TAB1: variants seen among roughly 807,000 people sequenced by gnomAD.
The protein encoded by TAB1 is TGF-beta-activated kinase 1 and MAP3K7-binding protein 1.
In TAB1, 30 loss-of-function variants were observed where a neutral mutation model predicts 54.5. The ratio of observed to expected loss-of-function variants is 0.55; its 90% CI spans 0.41 to 0.75. The LOEUF (loss-of-function observed/expected upper bound fraction) is 0.75, where lower values mean the gene tolerates loss of function less well. TAB1 is among the 30% of genes least tolerant of loss of function. The pLI is 0.00. For synonymous variants in TAB1, 289 were observed against 286.9 expected, an observed-to-expected ratio of 1.01 and a Z score of -0.07; for missense variants, 609 against 683.2, an observed-to-expected ratio of 0.89 and a Z score of 1.21.
chr22:39,415,576 C>A lies in TAB1; in HGVS notation c.247C>A (p.Arg83=). The A allele has an allele frequency of 6.2e-7, 1 of 1,614,098 alleles. No individual in the cohort carries two copies. The highest frequency in any genetic ancestry group is 8.5e-7 in the Non-Finnish European group (1 of 1,179,986). The change falls in exon 3 of 11, where the codon CGG becomes AGG. Residue 83 remains arginine (R), a synonymous_variant. Transcript: ENST00000216160. This position sits in a 1 kb window ranked among gnomAD's most constrained non-coding sequence, Gnocchi z 4.9. The part of the protein sequence containing the change: ...GNRVTNFVAQ[R]LSAELLLGQL... The stretch of plus-strand genomic sequence containing the variant: ...CCGAGTGACCAACTTCGTGGCCCAG[C>A]GGCTGTCCGCAGAGCTCCTGCTGGG...
At chr22:39,433,077 C>T (rs561403351), downstream of TAB1, 1 of 985,396 alleles carries the variant, frequency 1.0e-6, no homozygotes, top group Non-Finnish European at 1.2e-6. Flanking sequence ...CTCCCATAGC[C>T]TCCGTGGGGA....
rs1465090868 is a variant in TAB1, at chr22:39,431,819, C to T, written c.*1597C>T. 1 of 985,328 alleles carries T rather than the reference C, an allele frequency of 1.0e-6. No homozygotes were observed. Among genetic ancestry groups the T allele is most frequent in the Non-Finnish European group, 1.2e-6 (1 of 829,940 alleles). 61.0% of individuals were successfully genotyped at this position (985,328 alleles called of 1,614,324 possible). A position where few individuals can be genotyped will look rare whatever the true frequency, so the allele number is the denominator to read the frequency against. On this transcript the variant is annotated 3_prime_UTR_variant, in exon 11 of 11. Transcript: ENST00000216160. ...TGTGGTGCTGTTTGGTCTCTAGAAA[C>T]AGGGTCACTTTTTTAATGTAGTAAA...
Position 39,430,248 on chromosome 22 carries a change from A to G in TAB1, c.*26A>G, listed in dbSNP as rs34745489. 77 of 1,607,818 alleles carry G rather than the reference A, an allele frequency of 4.8e-5. No homozygotes were observed. The highest frequency in any genetic ancestry group is 5.8e-5 in the Non-Finnish European group (69 of 1,179,836). ...GGCAGCCGGAGAATGCAGCCCAAGC[A>G]GGGCCTGGCATGGGGCAGGACAGGG... On this transcript the variant is annotated 3_prime_UTR_variant, in exon 11 of 11. Transcript: ENST00000216160.
downstream of TAB1, chr22:39,433,862 G>A: frequency 1.0e-6 from 1 of 977,706 alleles, no homozygotes; most frequent in Non-Finnish European, 1.2e-6. Flanking sequence ...TCTGGAAAGA[G>A]CCCTTCCCTG....
chr22:39,402,466 G>A (rs1926189494), intron 1 of TAB1, among the ~76,000 whole-genome samples: 1 of 152,200 alleles, frequency 6.6e-6, no homozygotes, highest in African/African-American at 2.4e-5. Context: ...ATTTGCAAGG[G>A]TATGCTGGGG....
downstream of TAB1, among the ~76,000 whole-genome samples, chr22:39,434,260 C>T (rs905700878): frequency 5.3e-5 from 8 of 152,270 alleles, no homozygotes; most frequent in South Asian, 2.1e-4. Context: ...ATCCACCACA[C>T]GCCTATGGGC....
Position 39,431,141 on chromosome 22 carries a change from G to A in TAB1, c.*919G>A. 1.0e-5 allele frequency: 10 copies of A among 985,896 alleles called. No homozygotes were observed. Among genetic ancestry groups the A allele is most frequent in the Non-Finnish European group, 1.2e-5 (10 of 830,296 alleles). The allele number at this position is 985,896 out of a possible 1,614,324, so 61.1% of individuals were successfully genotyped here. A position where few individuals can be genotyped will look rare whatever the true frequency, so the allele number is the denominator to read the frequency against. ...GGTTGTGAGTCAGGCTGGGGGACTT[G>A]TTTGAAAGAAAGAGGAGTGGAAAAT... On this transcript the variant is annotated 3_prime_UTR_variant, in exon 11 of 11. Coordinates refer to ENST00000216160, the MANE Select transcript of TAB1 (RefSeq NM_006116.3).
At position 39,421,930 on chromosome 22, in the gene TAB1, A is replaced by G; in HGVS notation, c.880A>G (p.Lys294Glu). Residue 294 changes from lysine to glutamate, a missense_variant, in exon 8 of 11, where the codon AAG becomes GAG. Coordinates refer to ENST00000216160, the MANE Select transcript of TAB1 (RefSeq NM_006116.3). ...GGTGCTGATGTCGGAGGGGTTGTAC[A>G]AGGCCCTAGAGGCAGCCCATGGGCC... ...FLVLMSEGLY[K>E]ALEAAHGPGQ... is the part of the protein sequence containing the mutation. 6.2e-6 allele frequency: 10 copies of G among 1,607,898 alleles called. No individual in the cohort carries two copies. Among genetic ancestry groups the G allele is most frequent in the Non-Finnish European group, 8.5e-6 (10 of 1,177,094 alleles).
chr22:39,401,130 G>A (rs1398219828), intron 1 of TAB1, among the ~76,000 whole-genome samples: 1 of 150,950 alleles, frequency 6.6e-6, no homozygotes, highest in Admixed American at 6.6e-5. Flanking sequence ...CTATCACCAT[G>A]TGCTGGGCAC....
intron 8 of TAB1, among the ~76,000 whole-genome samples, chr22:39,424,013 C>T (rs1017451821): frequency 2.6e-5 from 4 of 151,968 alleles, no homozygotes; most frequent in Non-Finnish European, 5.9e-5. Context: ...GCCATCCTCC[C>T]GCCTTGAGTC....
chr22:39,433,051 T>C, downstream of TAB1: 3 of 985,354 alleles, frequency 3.0e-6, no homozygotes, highest in Non-Finnish European at 3.6e-6. Context: ...AAAGTGGCCC[T>C]CTCCAGCCTG....
downstream of TAB1, chr22:39,436,729 A>C: frequency 1.6e-6 from 1 of 618,156 alleles, no homozygotes; most frequent in South Asian, 1.9e-5. Flanking sequence ...ATCTGTGTCC[A>C]CTGAGGCTTC....
chr22:39,417,548 G>A (rs1302952371), intron 4 of TAB1, among the ~76,000 whole-genome samples, 163 bp from the exon 5 acceptor site: 1 of 151,986 alleles, frequency 6.6e-6, no homozygotes, highest in African/African-American at 2.4e-5. Context: ...GTGAACCTGG[G>A]AGGCGGAGCT....
At chr22:39,405,819 G>A (rs547899969) in intron 1 of TAB1, among the ~76,000 whole-genome samples, 1 of 152,290 alleles carries the variant, frequency 6.6e-6, no homozygotes, top group East Asian at 1.9e-4. Flanking sequence ...CTGCAGCAGC[G>A]TGAGTCCGCT....
chr22:39,403,974 A>C (rs1926257791), intron 1 of TAB1, among the ~76,000 whole-genome samples: 1 of 152,130 alleles, frequency 6.6e-6, no homozygotes. Context: ...TTGAGTGGTG[A>C]GAGTGGAAGC....
At chr22:39,422,056 A>G in intron 8 of TAB1, 85 bp downstream of exon 8, 1 of 1,248,478 alleles carries the variant, frequency 8.0e-7, no homozygotes, top group East Asian at 3.0e-5. Flanking sequence ...TAGCACTGTG[A>G]TTCTCGGAGG....
chr22:39,432,252 A>C (rs1417422899), downstream of TAB1, among the ~76,000 whole-genome samples: 1 of 152,042 alleles, frequency 6.6e-6, no homozygotes, highest in Admixed American at 6.6e-5. Flanking sequence ...TGCTGTGGCC[A>C]CCCGGTGCTC....
chr22:39,417,505 C>T (rs934866977), intron 4 of TAB1, among the ~76,000 whole-genome samples: 2 of 151,972 alleles, frequency 1.3e-5, no homozygotes, highest in African/African-American at 4.8e-5. Flanking sequence ...CTTGTAGTCC[C>T]AGCTACTCTC....
chr22:39,430,175 C>A lies in TAB1; in HGVS notation c.1468C>A (p.Leu490Ile), dbSNP rs1343189954. 4 of 1,613,682 alleles carry A rather than the reference C, an allele frequency of 2.5e-6. No homozygotes were observed. Among genetic ancestry groups the A allele is most frequent in the Middle Eastern group, 1.6e-4 (1 of 6,084 alleles). The part of the protein sequence containing the change: ...PYVDFAEFYR[L>I]WSVDHGEQSV... The stretch of plus-strand genomic sequence containing the variant: ...TGTGGACTTTGCTGAGTTTTACCGC[C>A]TCTGGAGCGTGGACCATGGCGAGCA... Residue 490 changes from leucine to isoleucine, a missense_variant, in exon 11 of 11, where the codon CTC (leucine) becomes ATC (isoleucine). Coordinates refer to ENST00000216160, the MANE Select transcript of TAB1 (RefSeq NM_006116.3).
Sources: gnomAD v4.1 joint callset for allele counts (sites outside exome capture counted in the v4.1 genomes callset) on GRCh38, gnomAD v4.1.1 for gene constraint, Gnocchi (gnomAD v3.1) non-coding constraint, MANE v1.5 for transcripts, NCBI Gene and HGNC (gene_info 2026-07-23, HGNC 2026-07-21) for gene names.